Variants in TPRG1 observed in about 807,000 individuals in gnomAD.
The protein encoded by TPRG1 is tumor protein p63-regulated gene 1 protein.
In TPRG1, 29 loss-of-function variants were observed where a neutral mutation model predicts 29.3. That is an observed-to-expected ratio of 0.99 (90% CI 0.74 to 1.35). The LOEUF is 1.35. TPRG1 is among the 40% of genes most tolerant of loss of function. The pLI is 0.00. For missense variants in TPRG1, 327 were observed against 335.0 expected (o/e 0.98, Z 0.19); for synonymous variants, 130 against 116.8 (o/e 1.11, Z -0.73).
intron 4 of TPRG1, among the ~76,000 whole-genome samples, chr3:189,038,988 A>T (rs1241494415): frequency 6.6e-6 from 1 of 152,230 alleles, no homozygotes; most frequent in Non-Finnish European, 1.5e-5. Context: ...CAGATGTGAA[A>T]AAATGAGAAT....
At chr3:189,204,073 T>C (rs984483160) in intron 1 of TPRG1, among the ~76,000 whole-genome samples, 2 of 149,386 alleles carry the variant, frequency 1.3e-5, no homozygotes, top group African/African-American at 4.9e-5. Flanking sequence ...CTGAACATCA[T>C]TTACTTTTTC....
At chr3:189,260,831 G>C (rs1218005148) in intron 4 of TPRG1, among the ~76,000 whole-genome samples, 1 of 152,026 alleles carries the variant, frequency 6.6e-6, no homozygotes, top group East Asian at 1.9e-4. Flanking sequence ...GAGGAAGGAG[G>C]GCATCGCAGA....
chr3:189,224,931 CTTTTTT>C (rs139957231), intron 3 of TPRG1, among the ~76,000 whole-genome samples: 1 of 126,980 alleles, frequency 7.9e-6, no homozygotes, highest in Admixed American at 8.2e-5. Context: ...CTTCCTTTTT[CTTTTTT>C]TTTTTTTTTT....
intron 4 of TPRG1, among the ~76,000 whole-genome samples, chr3:189,289,263 C>T (rs1180917608): frequency 6.6e-6 from 1 of 152,162 alleles, no homozygotes; most frequent in Non-Finnish European, 1.5e-5. Flanking sequence ...ATTATGCAGG[C>T]TTAAAAAATC....
chr3:189,193,899 C>A (rs1459564177), intron 1 of TPRG1, among the ~76,000 whole-genome samples: 1 of 145,604 alleles, frequency 6.9e-6, no homozygotes, highest in African/African-American at 2.6e-5. Flanking sequence ...CTTTTCCTGG[C>A]GATTCATTTA....
chr3:189,185,989 A>G (rs564026772), intron 1 of TPRG1, among the ~76,000 whole-genome samples: 10 of 152,302 alleles, frequency 6.6e-5, no homozygotes, highest in African/African-American at 2.2e-4. Context: ...CTCATGTGAT[A>G]CAATAAGAAC....
Position 189,232,065 on chromosome 3 carries a change from GA to G in TPRG1, c.303-6661del, listed in dbSNP as rs1224462308. Among the ~76,000 whole-genome samples, 3 of 151,412 alleles carry G rather than the reference GA, an allele frequency of 2.0e-5. No individual in the cohort carries two copies. The East Asian group carries it at 5.8e-4, about 29-fold the overall frequency. On this transcript the variant is annotated intron_variant, in intron 3 of 5. Coordinates refer to ENST00000345063, the MANE Select transcript of TPRG1 (RefSeq NM_198485.4). Reference sequence around the variant, plus strand: ...CTTACAAAGCCCTTTGTTTTATAAAGAAAAAAATGGCCACTTTTTTTTTCTG... The same window carrying G: ...CTTACAAAGCCCTTTGTTTTATAAAGAAAAAATGGCCACTTTTTTTTTCTG...
intron 4 of TPRG1, among the ~76,000 whole-genome samples, chr3:189,268,723 C>T (rs1021280729): frequency 6.6e-5 from 10 of 152,100 alleles, no homozygotes; most frequent in Non-Finnish European, 1.5e-4. Context: ...TCTTTAGCGT[C>T]GTAATAGCAA....
chr3:189,207,677 T>G, intron 2 of TPRG1, 83 bp downstream of exon 2: 1 of 1,284,154 alleles, frequency 7.8e-7, no homozygotes, highest in Non-Finnish European at 1.1e-6. Flanking sequence ...ACATATTTAC[T>G]GAGTGTACTC....
At chr3:189,154,327 A>G (rs1480661343) in intron 5 of TPRG1, among the ~76,000 whole-genome samples, 4 of 152,224 alleles carry the variant, frequency 2.6e-5, no homozygotes, top group African/African-American at 4.8e-5. Context: ...AGAGAGATTA[A>G]GTTCATTCAT....
intron 4 of TPRG1, among the ~76,000 whole-genome samples, chr3:189,061,742 A>C (rs1417580865): frequency 6.6e-6 from 1 of 152,226 alleles, no homozygotes; most frequent in Admixed American, 6.5e-5. Flanking sequence ...ACGAGATGCC[A>C]TCTCATGCCA....
At chr3:189,268,177 C>T (rs915463111) in intron 4 of TPRG1, among the ~76,000 whole-genome samples, 1 of 152,146 alleles carries the variant, frequency 6.6e-6, no homozygotes, top group Non-Finnish European at 1.5e-5. Flanking sequence ...GGGCAGCAGG[C>T]GAGGATTTTG....
At chr3:189,267,395 G>A (rs1440949933) in intron 4 of TPRG1, among the ~76,000 whole-genome samples, 1 of 152,128 alleles carries the variant, frequency 6.6e-6, no homozygotes, top group Non-Finnish European at 1.5e-5. Context: ...AGATCTAATT[G>A]GGAACTAAGA....
chr3:189,186,439 A>G (rs1347706372), intron 1 of TPRG1, among the ~76,000 whole-genome samples: 1 of 152,250 alleles, frequency 6.6e-6, no homozygotes, highest in African/African-American at 2.4e-5. Flanking sequence ...AAAACAAAAC[A>G]AAACAAAAAA....
chr3:189,031,559 C>T (rs1372482493), intron 4 of TPRG1, among the ~76,000 whole-genome samples: 2 of 152,190 alleles, frequency 1.3e-5, no homozygotes, highest in African/African-American at 4.8e-5. Flanking sequence ...TGGCTTTTCT[C>T]TTTCTGTTGT....
intron 4 of TPRG1, among the ~76,000 whole-genome samples, chr3:189,241,861 C>T (rs560505251): frequency 3.9e-5 from 6 of 152,310 alleles, no homozygotes; most frequent in African/African-American, 1.4e-4. Context: ...ATTCTGAGGT[C>T]TTCCCATCCA....
chr3:189,049,416 C>T (rs1199690458), intron 4 of TPRG1, among the ~76,000 whole-genome samples: 1 of 152,024 alleles, frequency 6.6e-6, no homozygotes, highest in African/African-American at 2.4e-5. Flanking sequence ...TCAGCAGAGG[C>T]AGCCATAGTC....
chr3:189,320,151 G>GT (rs151175477), intron 5 of TPRG1, among the ~76,000 whole-genome samples: 2,223 of 151,988 alleles, frequency 0.015, 64 homozygotes, highest in African/African-American at 0.051. Flanking sequence ...TGACAGCGGG[G>GT]TTTTTTTGCC....
intron 3 of TPRG1, among the ~76,000 whole-genome samples, chr3:189,231,773 C>CAGG (rs1429978913): frequency 6.6e-6 from 1 of 152,118 alleles, no homozygotes; most frequent in Non-Finnish European, 1.5e-5. Flanking sequence ...CTGTATTTAT[C>CAGG]AGGATTGTTG....
Sources: gnomAD v4.1 joint callset for allele counts (sites outside exome capture counted in the v4.1 genomes callset) on GRCh38, gnomAD v4.1.1 for gene constraint, MANE v1.5 for transcripts, NCBI Gene and HGNC (gene_info 2026-07-23, HGNC 2026-07-21) for gene names.